Variants in RSU1 observed in about 807,000 individuals in gnomAD.
RSU1 encodes the protein Ras suppressor protein 1.
Under a neutral mutation model 31.1 loss-of-function variants are expected in RSU1, and 26 were observed. The observed-to-expected ratio is 0.84, with a 90% CI of 0.61 to 1.16. RSU1 has a LOEUF of 1.16. RSU1 is among the 50% of genes most tolerant of loss of function. The pLI is 0.00. For synonymous variants in RSU1, 164 were observed against 136.3 expected, an observed-to-expected ratio of 1.20 and a Z score of -1.41; for missense variants, 320 against 339.1, an observed-to-expected ratio of 0.94 and a Z score of 0.44.
chr10:16,689,496 T>A (rs536627546), intron 8 of RSU1, among the ~76,000 whole-genome samples: 3 of 152,314 alleles, frequency 2.0e-5, no homozygotes, highest in Middle Eastern at 3.4e-3. Flanking sequence ...TTGTAACAGG[T>A]TTGCACAGCA....
At chr10:16,706,602 G>T (rs1288186900) in intron 7 of RSU1, among the ~76,000 whole-genome samples, 2 of 152,022 alleles carry the variant, frequency 1.3e-5, no homozygotes, top group Admixed American at 1.3e-4. Context: ...AATTTTAATT[G>T]ACACAGTGGA....
intron 8 of RSU1, among the ~76,000 whole-genome samples, chr10:16,688,430 C>T (rs1025167445): frequency 2.0e-5 from 3 of 151,982 alleles, no homozygotes; most frequent in Non-Finnish European, 2.9e-5. Flanking sequence ...CAAGGCGAAA[C>T]CCTGTCTCTA....
intron 8 of RSU1, among the ~76,000 whole-genome samples, chr10:16,678,917 G>C (rs187824208): frequency 1.6e-3 from 243 of 151,824 alleles, no homozygotes; most frequent in African/African-American, 5.7e-3. Flanking sequence ...AGGCAGACAA[G>C]TGAATCACAG....
At chr10:16,615,390 C>A (rs1399383719) in intron 8 of RSU1, among the ~76,000 whole-genome samples, 1 of 152,136 alleles carries the variant, frequency 6.6e-6, no homozygotes, top group African/African-American at 2.4e-5. Context: ...AAAACAAGTT[C>A]TGAGAGACCT....
chr10:16,813,724 C>T (rs2131281927), intron 2 of RSU1, among the ~76,000 whole-genome samples: 1 of 152,296 alleles, frequency 6.6e-6, no homozygotes, highest in East Asian at 1.9e-4. Flanking sequence ...TGCTGTACTC[C>T]TCTGCCTCTC....
chr10:16,691,250 T>G (rs1280362892), intron 8 of RSU1, among the ~76,000 whole-genome samples: 11 of 151,910 alleles, frequency 7.2e-5, no homozygotes, highest in Admixed American at 7.2e-4. Flanking sequence ...ACACAAAGAG[T>G]TGAGTTGGGT....
At position 16,664,948 on chromosome 10, in the gene RSU1, TC is replaced by T. The variant is rs1321242174; in HGVS notation, c.731+30074del. 3.6e-3 allele frequency among the ~76,000 whole-genome samples: 542 copies of T among 152,078 alleles called. 2 individuals carry two copies. The highest frequency in any genetic ancestry group is 0.012 in the African/African-American group (511 of 41,524). On this transcript the variant is annotated intron_variant, in intron 8 of 8. Coordinates refer to ENST00000345264, the MANE Select transcript of RSU1 (RefSeq NM_012425.4). ...CTGACTCAGTTCTTTTTTCTTTCTT[TC>T]TTCTTTTTTTCTGAGACAGATTCTC...
chr10:16,594,411 ATT>A (rs529382536), intron 8 of RSU1, among the ~76,000 whole-genome samples: 2 of 141,520 alleles, frequency 1.4e-5, no homozygotes, highest in African/African-American at 2.6e-5. Flanking sequence ...GGCGTCCGGC[ATT>A]TTTTTTTTTT....
intron 2 of RSU1, among the ~76,000 whole-genome samples, chr10:16,797,669 A>G (rs139100155): frequency 1.5e-3 from 227 of 152,292 alleles, no homozygotes; most frequent in Non-Finnish European, 2.8e-3. Flanking sequence ...ACAATGATAC[A>G]TGACACAAAA....
At chr10:16,764,633 T>C in intron 3 of RSU1, 123 bp from the exon 4 acceptor site, 1 of 1,002,134 alleles carries the variant, frequency 1.0e-6, no homozygotes, top group South Asian at 1.8e-5. Flanking sequence ...GCCATCGAAT[T>C]CACCTACCGG....
At chr10:16,666,227 G>C (rs1259556691) in intron 8 of RSU1, among the ~76,000 whole-genome samples, 1 of 136,218 alleles carries the variant, frequency 7.3e-6, no homozygotes, top group African/African-American at 2.8e-5. Flanking sequence ...TTTATACCTA[G>C]AGATAGCACT....
intron 7 of RSU1, among the ~76,000 whole-genome samples, chr10:16,712,180 A>G (rs1025324758): frequency 9.9e-5 from 15 of 151,986 alleles, no homozygotes; most frequent in Admixed American, 4.6e-4. Flanking sequence ...TTTGTATGGA[A>G]TATGTTTTTC....
intron 8 of RSU1, among the ~76,000 whole-genome samples, chr10:16,691,989 T>G (rs1188849170): frequency 1.3e-5 from 2 of 152,090 alleles, no homozygotes; most frequent in East Asian, 1.9e-4. Context: ...TTCACCCTCC[T>G]CATGGTGAAT....
chr10:16,665,138 T>C lies in RSU1; in HGVS notation c.731+29885A>G, dbSNP rs142155059. On this transcript the variant is annotated intron_variant, in intron 8 of 8. Coordinates refer to ENST00000345264, the MANE Select transcript of RSU1 (RefSeq NM_012425.4). The stretch of plus-strand genomic sequence containing the variant: ...TTTGTATTTTCAGTAGAGATGGGGT[T>C]TCGTCATGTTGGCCAGGCTAGTCTC... Among the ~76,000 whole-genome samples the C allele has an allele frequency of 5.6e-4, 85 of 152,200 alleles. No homozygotes were observed. In the East Asian group the frequency reaches 0.015, roughly 26 times the overall value.
chr10:16,609,300 G>A (rs529862247), intron 8 of RSU1, among the ~76,000 whole-genome samples: 1 of 152,320 alleles, frequency 6.6e-6, no homozygotes, highest in South Asian at 2.1e-4. Flanking sequence ...AGCTGCCTCT[G>A]GCTAGGGGAG....
At chr10:16,690,175 G>A (rs545466938) in intron 8 of RSU1, among the ~76,000 whole-genome samples, 26 of 152,296 alleles carry the variant, frequency 1.7e-4, no homozygotes, top group South Asian at 1.2e-3. Context: ...AAACTTAAGT[G>A]ATGAGTATTC....
chr10:16,797,370 G>C (rs571521920), intron 2 of RSU1, among the ~76,000 whole-genome samples: 1 of 152,362 alleles, frequency 6.6e-6, no homozygotes, highest in South Asian at 2.1e-4. Flanking sequence ...GCAAGCCACT[G>C]TATTTCTGAA....
chr10:16,720,779 G>C (rs1184284287), intron 7 of RSU1, among the ~76,000 whole-genome samples: 2 of 152,094 alleles, frequency 1.3e-5, no homozygotes, highest in African/African-American at 4.8e-5. Flanking sequence ...ATCTGTTAGG[G>C]CTGCCATGAC....
chr10:16,754,516 A>C, intron 5 of RSU1, among the ~76,000 whole-genome samples: 1 of 151,882 alleles, frequency 6.6e-6, no homozygotes, highest in East Asian at 1.9e-4. Flanking sequence ...CAAATATCCT[A>C]CAAAGAATTA....
Sources: allele counts gnomAD v4.1 joint callset (sites outside exome capture counted in the v4.1 genomes callset), GRCh38; gene constraint gnomAD v4.1.1; transcripts MANE v1.5; gene names NCBI Gene and HGNC (gene_info 2026-07-23, HGNC 2026-07-21).